The following ADAMTSL3 variants were observed in gnomAD, a reference collection of about 807,000 sequenced individuals.
ADAMTSL3 encodes ADAMTS like 3, also known as ADAMTS-like protein 3.
ADAMTSL3 carries 128 observed loss-of-function variants against 201.7 expected under a neutral mutation model. The observed-to-expected ratio is 0.63, with a 90% CI of 0.55 to 0.73. ADAMTSL3 has a LOEUF of 0.73. Among genes scored for constraint, ADAMTSL3 ranks in the 30% least tolerant of loss-of-function variants. ADAMTSL3 has a pLI of 0.00. For synonymous variants in ADAMTSL3, 738 were observed against 748.4 expected (o/e 0.99, Z 0.23); for missense variants, 1,990 against 2,119.6 (o/e 0.94, Z 1.20).
At chr15:84,003,466 A>G (rs894451646) in intron 23 of ADAMTSL3, among the ~76,000 whole-genome samples, 1 of 152,154 alleles carries the variant, frequency 6.6e-6, no homozygotes, top group African/African-American at 2.4e-5. Context: ...AGGCTTCTAA[A>G]GAAATGAGTT....
intron 3 of ADAMTSL3, among the ~76,000 whole-genome samples, chr15:83,769,897 T>C (rs934667259): frequency 2.3e-4 from 35 of 152,122 alleles, no homozygotes; most frequent in African/African-American, 7.7e-4. Context: ...ACAGTTTCTT[T>C]CATAAACTTT....
rs544922247 is a variant in ADAMTSL3, at chr15:83,662,472, A to G, written c.69+6642A>G. Among the ~76,000 whole-genome samples, 272 of 150,146 alleles carry G rather than the reference A, an allele frequency of 1.8e-3. 2 individuals are homozygous for G. In the Middle Eastern group the frequency reaches 0.028, roughly 15 times the overall value. On this transcript the variant is annotated intron_variant, in intron 2 of 29. Transcript: ENST00000286744. ...CATTGGGAGATATACCTAATGCTAGATGACGAGTTAGTGGGTTCAGCGCAC... is the reference window on the plus strand; with the variant it reads ...CATTGGGAGATATACCTAATGCTAGGTGACGAGTTAGTGGGTTCAGCGCAC...
At chr15:83,850,431 T>A (rs1288027082) in intron 7 of ADAMTSL3, among the ~76,000 whole-genome samples, 1 of 151,502 alleles carries the variant, frequency 6.6e-6, no homozygotes, top group East Asian at 1.9e-4. Context: ...TATGTGTGTA[T>A]ATACATATGT....
At chr15:84,037,516 C>T (rs937369743) in intron 29 of ADAMTSL3, among the ~76,000 whole-genome samples, 184 bp from the exon 30 acceptor site, 8 of 152,174 alleles carry the variant, frequency 5.3e-5, no homozygotes, top group Admixed American at 1.3e-4. Flanking sequence ...CAAGAGGTCA[C>T]TTGGCTGAGC....
chr15:83,829,546 A>T (rs2064107425), intron 6 of ADAMTSL3, among the ~76,000 whole-genome samples: 1 of 151,816 alleles, frequency 6.6e-6, no homozygotes, highest in African/African-American at 2.4e-5. Flanking sequence ...CTCTGATCTT[A>T]GTTATTTCTT....
At chr15:83,972,968 G>A (rs190428418) in intron 20 of ADAMTSL3, among the ~76,000 whole-genome samples, 21 of 152,188 alleles carry the variant, frequency 1.4e-4, no homozygotes, top group African/African-American at 4.6e-4. Flanking sequence ...CACTTAGCAC[G>A]TAGATTGCCC....
Position 84,016,594 on chromosome 15 carries a change from A to G in ADAMTSL3, c.4273+95A>G, listed in dbSNP as rs80206444. The stretch of plus-strand genomic sequence containing the variant: ...GACCATCTGTATTTTTCACTTTGCA[A>G]TATGTAAAATTATTTCTAGGCATTT... On this transcript the variant is annotated intron_variant, in intron 25 of 29. Coordinates refer to ENST00000286744, the MANE Select transcript of ADAMTSL3 (RefSeq NM_207517.3). 2,202 of 1,054,740 alleles carry G rather than the reference A, an allele frequency of 2.1e-3. 37 individuals are homozygous for G. In the African/African-American group the frequency reaches 0.031, roughly 15 times the overall value. 65.3% of individuals were successfully genotyped at this position (1,054,740 alleles called of 1,614,324 possible).
chr15:83,913,021 A>C, intron 15 of ADAMTSL3, 71 bp from the exon 16 acceptor site: 2 of 1,489,468 alleles, frequency 1.3e-6, no homozygotes, highest in East Asian at 2.3e-5. Context: ...TGAATGTGTC[A>C]CTCCTCCTTT....
At position 84,039,823 on chromosome 15, in the gene ADAMTSL3, T is replaced by A. The variant is rs2068574880; in HGVS notation, c.*2017T>A. On this transcript the variant is annotated 3_prime_UTR_variant, in exon 30 of 30. Transcript: ENST00000286744. ...TTCAGAAATAAATTTACTTTGATTA[T>A]TCAGTGGCATCCTTATAAATGTAGG... is the stretch of plus-strand genomic sequence containing the variant. 1 of 152,690 alleles carries A rather than the reference T, an allele frequency of 6.5e-6. No individual in the cohort carries two copies. The highest frequency in any genetic ancestry group is 2.1e-4 in the South Asian group (1 of 4,826). The allele number at this position is 152,690 out of a possible 1,614,324, so 9.5% of individuals were successfully genotyped here.
intron 4 of ADAMTSL3, among the ~76,000 whole-genome samples, chr15:83,796,149 A>C (rs1300112617): frequency 1.3e-5 from 2 of 152,208 alleles, no homozygotes; most frequent in African/African-American, 4.8e-5. Context: ...TGAGATAAGA[A>C]TGCCCACTGT....
chr15:83,870,895 A>T lies in ADAMTSL3; in HGVS notation c.896A>T (p.Gln299Leu). 6.2e-7 allele frequency: 1 copy of T among 1,613,628 alleles called. No homozygotes were observed. Among genetic ancestry groups the T allele is most frequent in the East Asian group, 2.2e-5 (1 of 44,872 alleles). Residue 299 changes from glutamine (Q) to leucine (L), a missense_variant, in exon 9 of 30, where the codon CAG (glutamine) becomes CTG (leucine). Gln to Leu is a moderately radical substitution (Grantham distance 113, BLOSUM62 -2). Coordinates refer to ENST00000286744, the MANE Select transcript of ADAMTSL3 (RefSeq NM_207517.3). The stretch of plus-strand genomic sequence containing the variant: ...GTAGAAAACACAACAGTGGAATTTC[A>T]GAGGGGCTCCGAGAGGCAAACTTTT... ...FLVENTTVEF[Q>L]RGSERQTFKI...
At chr15:84,000,754 T>G (rs1384759953) in intron 23 of ADAMTSL3, among the ~76,000 whole-genome samples, 8 of 152,170 alleles carry the variant, frequency 5.3e-5, no homozygotes, top group Admixed American at 4.6e-4. Context: ...GGCATTTTAA[T>G]CAAAGCAGCA....
intron 3 of ADAMTSL3, among the ~76,000 whole-genome samples, chr15:83,735,966 T>G (rs892064814): frequency 1.3e-5 from 2 of 152,130 alleles, no homozygotes; most frequent in Admixed American, 1.3e-4. Context: ...ATAATCCTGT[T>G]TGCTCTGCAG....
chr15:84,011,469 T>A (rs2068005155), intron 23 of ADAMTSL3, among the ~76,000 whole-genome samples: 2 of 152,164 alleles, frequency 1.3e-5, no homozygotes, highest in African/African-American at 2.4e-5. Flanking sequence ...TTCTGGAGGA[T>A]GGGAAGTCCA....
rs770424093 is a variant in ADAMTSL3, at chr15:83,942,616, G to A, written c.2138G>A (p.Gly713Glu). The change falls in exon 18 of 30, where the codon GGG becomes GAG. Residue 713 changes from glycine (G) to glutamate (E), a missense_variant. Gly to Glu is a moderately conservative substitution (Grantham distance 98, BLOSUM62 -2). Coordinates refer to ENST00000286744, the MANE Select transcript of ADAMTSL3 (RefSeq NM_207517.3). The stretch of plus-strand genomic sequence containing the variant: ...TTTAGGTGGCATGTGGGCTCTTGGG[G>A]GCCCTGCTCAGCTACCTGTGGAGTT... ...CPPRWHVGSW[G>E]PCSATCGVGI... 2.1e-5 allele frequency: 34 copies of A among 1,613,292 alleles called. No individual in the cohort carries two copies. The highest frequency in any genetic ancestry group is 2.8e-5 in the Non-Finnish European group (33 of 1,179,844).
At chr15:83,715,409 T>C (rs972382238) in intron 3 of ADAMTSL3, among the ~76,000 whole-genome samples, 2 of 152,214 alleles carry the variant, frequency 1.3e-5, no homozygotes, top group Non-Finnish European at 2.9e-5. Context: ...GAAATTAACA[T>C]ATATAACATA....
At chr15:83,767,631 C>T (rs1353975537) in intron 3 of ADAMTSL3, among the ~76,000 whole-genome samples, 2 of 152,110 alleles carry the variant, frequency 1.3e-5, no homozygotes, top group South Asian at 4.1e-4. Flanking sequence ...TGCTACATAC[C>T]GCTTCTCTCA....
At chr15:84,011,330 A>G (rs554208301) in intron 23 of ADAMTSL3, among the ~76,000 whole-genome samples, 45 of 152,236 alleles carry the variant, frequency 3.0e-4, no homozygotes, top group Non-Finnish European at 5.9e-4. Context: ...AGAAAGAAAC[A>G]TTAGTAATAT....
intron 3 of ADAMTSL3, among the ~76,000 whole-genome samples, chr15:83,752,956 A>G (rs2062661517): frequency 1.3e-5 from 2 of 152,316 alleles, no homozygotes; most frequent in South Asian, 4.1e-4. Context: ...CTGACTTCAC[A>G]GGCTGAGGAG....
Sources: allele counts gnomAD v4.1 joint callset (sites outside exome capture counted in the v4.1 genomes callset), GRCh38; gene constraint gnomAD v4.1.1; transcripts MANE v1.5; gene names NCBI Gene and HGNC (gene_info 2026-07-23, HGNC 2026-07-21).